SLCO1A2: variants seen among roughly 807,000 people sequenced by gnomAD.
SLCO1A2 encodes the protein OATP-1.
In SLCO1A2, 67 loss-of-function variants were observed where a neutral mutation model predicts 69.0. That is an observed-to-expected ratio of 0.97 (90% confidence interval 0.80 to 1.19). The LOEUF (loss-of-function observed/expected upper bound fraction) is 1.19. Ranked by LOEUF, SLCO1A2 falls within the 50% of genes most tolerant of loss-of-function variation. SLCO1A2 has a pLI of 0.00. For synonymous variants in SLCO1A2, 260 were observed against 265.9 expected (o/e 0.98, Z 0.22); for missense variants, 787 against 793.7 (o/e 0.99, Z 0.10).
chr12:21,355,032 G>A (rs1052984601), intron 2 of SLCO1A2: 4 of 151,972 alleles, frequency 2.6e-5, no homozygotes, highest in Non-Finnish European at 5.9e-5. Flanking sequence ...AAAGTAAATG[G>A]CACATATGTT....
At chr12:21,369,615 A>C (rs957881313) in intron 2 of SLCO1A2, among the ~76,000 whole-genome samples, 2 of 152,200 alleles carry the variant, frequency 1.3e-5, no homozygotes, top group Non-Finnish European at 2.9e-5. Context: ...GATGTTTTAA[A>C]GTTGCGGGAC....
At chr12:21,335,367 C>G (rs887282637), upstream of SLCO1A2, among the ~76,000 whole-genome samples, 9 of 141,810 alleles carry the variant, frequency 6.3e-5, no homozygotes, top group Admixed American at 4.8e-4. Flanking sequence ...AAATGGGTAT[C>G]TATATGTAGC....
At chr12:21,419,540 T>G (rs1942049730), upstream of SLCO1A2, 1 of 154,758 alleles carries the variant, frequency 6.5e-6, no homozygotes, top group Admixed American at 6.5e-5. Context: ...AGCACGAGAC[T>G]ATATCCCGCA....
At chr12:21,283,519 C>T (rs1308231159) in intron 12 of SLCO1A2, among the ~76,000 whole-genome samples, 1 of 151,940 alleles carries the variant, frequency 6.6e-6, no homozygotes, top group African/African-American at 2.4e-5. Flanking sequence ...ACAAAGATTT[C>T]TTGAGTAATA....
chr12:21,407,270 C>G (rs773765933), intron 1 of SLCO1A2, among the ~76,000 whole-genome samples: 4 of 152,022 alleles, frequency 2.6e-5, no homozygotes, highest in Admixed American at 6.5e-5. Flanking sequence ...ATGCAAAAGC[C>G]TTAGGATGGA....
chr12:21,409,278 TGTC>T (rs1358927303), intron 1 of SLCO1A2, among the ~76,000 whole-genome samples: 1 of 152,174 alleles, frequency 6.6e-6, no homozygotes, highest in Admixed American at 6.5e-5. Flanking sequence ...ATTGGCAACA[TGTC>T]GTATTCATAT....
intron 2 of SLCO1A2, among the ~76,000 whole-genome samples, chr12:21,367,653 G>C (rs1307242613): frequency 6.6e-6 from 1 of 151,918 alleles, no homozygotes; most frequent in African/African-American, 2.4e-5. Flanking sequence ...AATACTCACA[G>C]CATATTACTC....
upstream of SLCO1A2, among the ~76,000 whole-genome samples, chr12:21,396,843 G>A (rs1030216611): frequency 6.6e-6 from 1 of 151,918 alleles, no homozygotes; most frequent in Non-Finnish European, 1.5e-5. Context: ...GTCACCACCA[G>A]GCCTGCCTTA....
intron 2 of SLCO1A2, among the ~76,000 whole-genome samples, chr12:21,320,481 C>G (rs983771315): frequency 6.6e-6 from 1 of 151,868 alleles, no homozygotes; most frequent in Admixed American, 6.6e-5. Context: ...CTCTCTCTCT[C>G]TTTTTTGTTT....
intron 1 of SLCO1A2, among the ~76,000 whole-genome samples, chr12:21,389,807 G>C (rs1221651913): frequency 6.6e-6 from 1 of 151,432 alleles, no homozygotes; most frequent in Non-Finnish European, 1.5e-5. Flanking sequence ...TGCACCCACA[G>C]AGATACAAGA....
At chr12:21,378,412 T>G (rs1940367327) in intron 1 of SLCO1A2, 1 of 1,613,378 alleles carries the variant, frequency 6.2e-7, no homozygotes, top group African/African-American at 1.3e-5. Flanking sequence ...GCCACTGAAT[T>G]ACTTGCCCCT....
intron 2 of SLCO1A2, among the ~76,000 whole-genome samples, chr12:21,363,854 C>G (rs929165994): frequency 6.6e-6 from 1 of 152,032 alleles, no homozygotes; most frequent in Non-Finnish European, 1.5e-5. Flanking sequence ...CAGGAAGAAG[C>G]TGAATCCCTG....
intron 1 of SLCO1A2, among the ~76,000 whole-genome samples, chr12:21,392,374 G>T (rs747151672): frequency 5.9e-5 from 9 of 152,126 alleles, no homozygotes; most frequent in Non-Finnish European, 7.3e-5. Flanking sequence ...CCTCCTGGCA[G>T]GTGGATCCAG....
intron 12 of SLCO1A2, among the ~76,000 whole-genome samples, chr12:21,280,862 A>G (rs1416630887): frequency 6.6e-6 from 1 of 152,114 alleles, no homozygotes; most frequent in Non-Finnish European, 1.5e-5. Flanking sequence ...GTCTTAAAAC[A>G]TCCAAAAAAA....
intron 1 of SLCO1A2, among the ~76,000 whole-genome samples, chr12:21,385,624 G>A (rs935341393): frequency 2.0e-5 from 3 of 152,150 alleles, no homozygotes; most frequent in Non-Finnish European, 4.4e-5. Flanking sequence ...TCCTATTACC[G>A]TACAATGTCT....
chr12:21,335,843 T>C (rs559458799), upstream of SLCO1A2, among the ~76,000 whole-genome samples: 6 of 152,258 alleles, frequency 3.9e-5, no homozygotes, highest in Non-Finnish European at 7.4e-5. Flanking sequence ...GTGCCAGTCA[T>C]GGTGCTACGC....
intron 2 of SLCO1A2, among the ~76,000 whole-genome samples, chr12:21,354,750 T>A (rs112612516): frequency 1.1e-3 from 162 of 152,330 alleles, no homozygotes; most frequent in African/African-American, 3.7e-3. Flanking sequence ...GTAACACTCA[T>A]AACAACCTTT....
intron 2 of SLCO1A2, among the ~76,000 whole-genome samples, chr12:21,374,193 T>C (rs185726844): frequency 5.5e-4 from 84 of 152,310 alleles, no homozygotes; most frequent in African/African-American, 1.9e-3. Flanking sequence ...CTAACAACTA[T>C]GTCACGTAAA....
chr12:21,360,383 A>G (rs1206566048), intron 2 of SLCO1A2, among the ~76,000 whole-genome samples: 2 of 152,254 alleles, frequency 1.3e-5, no homozygotes, highest in Admixed American at 1.3e-4. Flanking sequence ...AATAAGGATC[A>G]TCAGATATTT....
Sources: gnomAD v4.1 joint callset for allele counts (sites outside exome capture counted in the v4.1 genomes callset) on GRCh38, gnomAD v4.1.1 for gene constraint, MANE v1.5 for transcripts, NCBI Gene and HGNC (gene_info 2026-07-23, HGNC 2026-07-21) for gene names.